Variants in ITFG1 observed in about 807,000 individuals in gnomAD.
The protein encoded by ITFG1 is T-cell immunomodulatory protein.
Under a neutral mutation model 81.8 loss-of-function variants are expected in ITFG1, and 34 were observed. The ratio of observed to expected loss-of-function variants is 0.42; its 90% confidence interval spans 0.32 to 0.55. The LOEUF (loss-of-function observed/expected upper bound fraction) is 0.55. Among genes scored for constraint, ITFG1 ranks in the 20% least tolerant of loss-of-function variants. The probability of loss-of-function intolerance (pLI) is 0.17; values close to 1 mark genes in which losing one functional copy is unlikely to be tolerated. For missense variants in ITFG1, 672 were observed against 755.4 expected, an observed-to-expected ratio of 0.89 and a Z score of 1.29; for synonymous variants, 285 against 270.6, an observed-to-expected ratio of 1.05 and a Z score of -0.52.
intron 6 of ITFG1, among the ~76,000 whole-genome samples, chr16:47,418,732 G>T (rs777887070): frequency 2.0e-5 from 3 of 152,098 alleles, no homozygotes; most frequent in Non-Finnish European, 4.4e-5. Flanking sequence ...ACTGGTCTTT[G>T]TGTCTGTGTT....
At chr16:47,364,209 A>G (rs554080533) in intron 8 of ITFG1, among the ~76,000 whole-genome samples, 1 of 152,356 alleles carries the variant, frequency 6.6e-6, no homozygotes, top group Admixed American at 6.5e-5. Context: ...TACTATTAAA[A>G]AAGTTTACTG....
intron 12 of ITFG1, among the ~76,000 whole-genome samples, chr16:47,254,979 T>C (rs1450977514): frequency 6.6e-6 from 1 of 152,120 alleles, no homozygotes. Flanking sequence ...CCCAGCTACT[T>C]TGGAAGCTGA....
At chr16:47,224,213 T>TAATA (rs991645400) in intron 13 of ITFG1, among the ~76,000 whole-genome samples, 5 of 152,154 alleles carry the variant, frequency 3.3e-5, no homozygotes, top group East Asian at 1.9e-4. Flanking sequence ...TAAAGTATAA[T>TAATA]AATAAATAAA....
intron 8 of ITFG1, among the ~76,000 whole-genome samples, chr16:47,344,425 T>G (rs1967824249): frequency 6.6e-6 from 1 of 152,210 alleles, no homozygotes; most frequent in Non-Finnish European, 1.5e-5. Context: ...CTTATACAAC[T>G]GTCTCATAGT....
At chr16:47,442,083 G>A (rs1014300047) in intron 5 of ITFG1, among the ~76,000 whole-genome samples, 3 of 152,124 alleles carry the variant, frequency 2.0e-5, no homozygotes, top group African/African-American at 7.2e-5. Context: ...ATTCACAATG[G>A]TTTCAAAGAG....
intron 8 of ITFG1, among the ~76,000 whole-genome samples, chr16:47,324,516 G>T (rs1967500133): frequency 6.6e-6 from 1 of 152,188 alleles, no homozygotes; most frequent in Non-Finnish European, 1.5e-5. Flanking sequence ...TGGGTTAAAT[G>T]CTCCAATTAA....
chr16:47,316,951 G>A (rs2151566869), intron 8 of ITFG1, among the ~76,000 whole-genome samples: 1 of 152,212 alleles, frequency 6.6e-6, no homozygotes, highest in Admixed American at 6.5e-5. Context: ...TTATAACTTT[G>A]GATTGTCTTT....
chr16:47,350,822 A>G (rs1363777949), intron 8 of ITFG1, among the ~76,000 whole-genome samples: 2 of 152,230 alleles, frequency 1.3e-5, no homozygotes, highest in Admixed American at 6.5e-5. Context: ...TCAATAAAAT[A>G]CTGACAAACC....
At position 47,460,850 on chromosome 16, in the gene ITFG1, C is replaced by A; in HGVS notation, c.196G>T (p.Val66Leu). 5 of 1,613,458 alleles carry A rather than the reference C, an allele frequency of 3.1e-6. No homozygotes were observed. The highest frequency in any genetic ancestry group is 4.2e-6 in the Non-Finnish European group (5 of 1,179,922). The change falls in exon 1 of 18, where the codon GTG becomes TTG. Residue 66 changes from valine (V) to leucine (L), a missense_variant. Coordinates refer to ENST00000320640, the MANE Select transcript of ITFG1 (RefSeq NM_030790.5). ...LNSDKQTDLF[V>L]LRERNDLIVF... ...GGCAAGCACTGACTTTCCCGCAGCACGAAGAGATCCGTCTGCTTGTCGGAG... is the reference window on the plus strand; with the variant it reads ...GGCAAGCACTGACTTTCCCGCAGCAAGAAGAGATCCGTCTGCTTGTCGGAG...
At chr16:47,290,789 T>C (rs1966896050) in intron 10 of ITFG1, among the ~76,000 whole-genome samples, 1 of 152,190 alleles carries the variant, frequency 6.6e-6, no homozygotes, top group East Asian at 1.9e-4. Flanking sequence ...GTGGGAAATT[T>C]AATGCAGGTA....
At chr16:47,327,802 A>T (rs1305501044) in intron 8 of ITFG1, among the ~76,000 whole-genome samples, 1 of 152,148 alleles carries the variant, frequency 6.6e-6, no homozygotes, top group African/African-American at 2.4e-5. Flanking sequence ...TTAGAATGGC[A>T]ATCATTAAAA....
chr16:47,252,500 C>T (rs966943925), intron 12 of ITFG1, among the ~76,000 whole-genome samples: 2 of 152,128 alleles, frequency 1.3e-5, no homozygotes, highest in Non-Finnish European at 2.9e-5. Context: ...AAGTTCTAGA[C>T]TAGAATTAAG....
At chr16:47,262,884 C>A in intron 10 of ITFG1, 1 of 154,030 alleles carries the variant, frequency 6.5e-6, no homozygotes, top group South Asian at 2.0e-4. Flanking sequence ...CTGGAATCAC[C>A]ACCCTGGTCT....
intron 14 of ITFG1, among the ~76,000 whole-genome samples, chr16:47,169,079 T>C (rs1334467833): frequency 6.6e-6 from 1 of 152,202 alleles, no homozygotes; most frequent in Non-Finnish European, 1.5e-5. Context: ...ATTCCATTGG[T>C]TTATATGTCT....
chr16:47,362,569 G>C (rs990268812), intron 8 of ITFG1, among the ~76,000 whole-genome samples: 12 of 152,106 alleles, frequency 7.9e-5, no homozygotes, highest in Non-Finnish European at 1.6e-4. Flanking sequence ...TATTTTTACA[G>C]AAACTGTCGA....
intron 10 of ITFG1, among the ~76,000 whole-genome samples, chr16:47,278,757 A>C (rs1024392676): frequency 1.3e-5 from 2 of 152,334 alleles, no homozygotes; most frequent in African/African-American, 4.8e-5. Context: ...CCATATGTGA[A>C]GGGAAAATAA....
chr16:47,421,726 C>A (rs1968952700), intron 6 of ITFG1, among the ~76,000 whole-genome samples: 1 of 152,114 alleles, frequency 6.6e-6, no homozygotes, highest in African/African-American at 2.4e-5. Flanking sequence ...ATGTGCACAA[C>A]GTGCAGGTTT....
intron 10 of ITFG1, among the ~76,000 whole-genome samples, chr16:47,300,620 G>T (rs1417716053): frequency 7.2e-5 from 11 of 152,182 alleles, no homozygotes; most frequent in Non-Finnish European, 1.6e-4. Context: ...CTGAAGGGCT[G>T]CTGTCTATGC....
rs75512431 is a variant in ITFG1, at chr16:47,377,423, A to T, written c.656-1483T>A. 9.5e-3 allele frequency among the ~76,000 whole-genome samples: 1,453 copies of T among 152,250 alleles called. 10 individuals are homozygous for T. Among genetic ancestry groups the T allele is most frequent in the Middle Eastern group, 0.014 (4 of 294 alleles). ...TCCTTTTCTTCCAAGATGAAGGGCA[A>T]ATACCTCAGCTGTTATGTGAAGGCT... is the stretch of plus-strand genomic sequence containing the variant. On this transcript the variant is annotated intron_variant, in intron 6 of 17. Coordinates refer to ENST00000320640, the MANE Select transcript of ITFG1 (RefSeq NM_030790.5).
Sources: gnomAD v4.1 joint callset for allele counts (sites outside exome capture counted in the v4.1 genomes callset) on GRCh38, gnomAD v4.1.1 for gene constraint, MANE v1.5 for transcripts, NCBI Gene and HGNC (gene_info 2026-07-23, HGNC 2026-07-21) for gene names.